Variants in FLNB observed in about 807,000 individuals in gnomAD.
The protein encoded by FLNB is filamin B.
FLNB carries 111 observed loss-of-function variants against 250.6 expected under a neutral mutation model. The observed-to-expected ratio is 0.44, with a 90% CI of 0.38 to 0.52. The LOEUF (loss-of-function observed/expected upper bound fraction) is 0.52, where lower values mean the gene tolerates loss of function less well. Among genes scored for constraint, FLNB ranks in the 20% least tolerant of loss-of-function variants. The pLI is 0.00. For missense variants in FLNB, 2,869 were observed against 3,447.8 expected, an observed-to-expected ratio of 0.83 and a Z score of 4.20; for synonymous variants, 1,302 against 1,372.1, an observed-to-expected ratio of 0.95 and a Z score of 1.13.
intron 1 of FLNB, among the ~76,000 whole-genome samples, chr3:58,075,909 C>T (rs993540136): frequency 5.3e-5 from 8 of 151,476 alleles, no homozygotes; most frequent in Non-Finnish European, 8.8e-5. Context: ...GCAGGGGGTG[C>T]GGGAGATGGA....
At chr3:58,146,494 C>T (rs1033032289) in intron 33 of FLNB, among the ~76,000 whole-genome samples, 1 of 152,198 alleles carries the variant, frequency 6.6e-6, no homozygotes, top group African/African-American at 2.4e-5. Context: ...GACAATCCAC[C>T]TCTGCCCTCC....
chr3:58,141,792 G>T lies in FLNB; in HGVS notation c.5110-66G>T, dbSNP rs530950707. On this transcript the variant is annotated intron_variant, in intron 29 of 45. Transcript: ENST00000295956. Reference sequence around the variant, plus strand: ...GAGCAGTGGGGGAAGCAGCTCTGTGGTGGTAGTCTACTGAGTGTATCCTTC... The same window carrying T: ...GAGCAGTGGGGGAAGCAGCTCTGTGTTGGTAGTCTACTGAGTGTATCCTTC... 5 of 1,399,604 alleles carry T rather than the reference G, an allele frequency of 3.6e-6. No homozygotes were observed. In the East Asian group the frequency reaches 1.1e-4, roughly 32 times the overall value. 86.7% of individuals were successfully genotyped at this position (1,399,604 alleles called of 1,614,324 possible).
intron 1 of FLNB, among the ~76,000 whole-genome samples, chr3:58,071,075 T>C (rs893919584): frequency 4.0e-5 from 6 of 151,424 alleles, no homozygotes; most frequent in Admixed American, 4.0e-4. Context: ...GCCTCTCAAG[T>C]ACTAGTTGGT....
chr3:58,081,569 C>A, intron 3 of FLNB, 60 bp from the exon 4 acceptor site: 1 of 1,540,820 alleles, frequency 6.5e-7, no homozygotes, highest in Non-Finnish European at 9.0e-7. Context: ...CATTTGCAAA[C>A]ACTTCAATAG....
chr3:58,169,514 A>G lies in FLNB; in HGVS notation c.7418-76A>G. 1 of 1,170,038 alleles carries G rather than the reference A, an allele frequency of 8.5e-7. No homozygotes were observed. Among genetic ancestry groups the G allele is most frequent in the Non-Finnish European group, 1.3e-6 (1 of 775,768 alleles). 72.5% of individuals were successfully genotyped at this position (1,170,038 alleles called of 1,614,324 possible). The stretch of plus-strand genomic sequence containing the variant: ...CTCTCCTGGGGTTACTGTGTAGGGT[A>G]CTCGCCTGTCCTCTGGCTGAGAGAC... On this transcript the variant is annotated intron_variant, in intron 44 of 45. Coordinates refer to ENST00000295956, the MANE Select transcript of FLNB (RefSeq NM_001457.4). The surrounding 1 kb of genome is among the most constrained non-coding windows in gnomAD (Gnocchi z 4.8).
chr3:58,110,944 C>A (rs890479394), intron 16 of FLNB, among the ~76,000 whole-genome samples: 2 of 152,176 alleles, frequency 1.3e-5, no homozygotes, highest in African/African-American at 2.4e-5. Flanking sequence ...TGGCTCCTTA[C>A]AACCAAGAAG....
chr3:58,071,749 A>G (rs1157887646), intron 1 of FLNB, among the ~76,000 whole-genome samples: 1 of 152,154 alleles, frequency 6.6e-6, no homozygotes, highest in Non-Finnish European at 1.5e-5. Flanking sequence ...ATCAGTAACA[A>G]CCAGGAGAGA....
rs1467166259 is a variant in FLNB at position 58,169,260 on chromosome 3, T to C, written c.7418-330T>C. On this transcript the variant is annotated intron_variant, in intron 44 of 45. Transcript: ENST00000295956. The surrounding 1 kb of genome is among the most constrained non-coding windows in gnomAD (Gnocchi z 4.8). ...TCATCCCAAACTTTTACACTGCTTA[T>C]ACATAGACTATTTTATGTCAATAGA... The C allele has an allele frequency of 2.6e-6, 1 of 380,022 alleles. No individual in the cohort carries two copies. Among genetic ancestry groups the C allele is most frequent in the Non-Finnish European group, 5.0e-6 (1 of 201,290 alleles). 23.5% of individuals were successfully genotyped at this position (380,022 alleles called of 1,614,324 possible).
chr3:58,110,530 A>C (rs1260674346), intron 16 of FLNB, among the ~76,000 whole-genome samples: 1 of 151,500 alleles, frequency 6.6e-6, no homozygotes, highest in Non-Finnish European at 1.5e-5. Context: ...GGCTCACTGC[A>C]ACCTCTGCCT....
chr3:58,109,460 G>C (rs1003083873), intron 14 of FLNB, 116 bp from the exon 15 acceptor site: 1 of 1,597,722 alleles, frequency 6.3e-7, no homozygotes, highest in Non-Finnish European at 8.6e-7. Context: ...GGAGGGGCCC[G>C]AAGGGCAGAG....
intron 1 of FLNB, 79 bp from the exon 2 acceptor site, chr3:58,076,967 C>T: frequency 6.7e-7 from 1 of 1,489,018 alleles, no homozygotes; most frequent in Non-Finnish European, 9.4e-7. Flanking sequence ...GTTGAAGACT[C>T]CATTTACATT....
At chr3:58,143,699 G>A (rs1214476476) in intron 32 of FLNB, 86 bp downstream of exon 32, 1 of 1,539,682 alleles carries the variant, frequency 6.5e-7, no homozygotes, top group East Asian at 2.3e-5. Flanking sequence ...GCTTTGCAGG[G>A]AGCAGCTCTC....
At chr3:58,125,313 TG>T (rs1219087737) in intron 22 of FLNB, among the ~76,000 whole-genome samples, 2 of 152,066 alleles carry the variant, frequency 1.3e-5, no homozygotes, top group Non-Finnish European at 2.9e-5. Flanking sequence ...TTGTATTTTT[TG>T]TAGAGATGGG....
In FLNB at chr3:58,094,949, G is replaced by C. The variant is rs1207447868; in HGVS notation, c.901G>C (p.Glu301Gln). Residue 301 changes from glutamate to glutamine, a missense_variant, in exon 5 of 46, where the codon GAG becomes CAG. By Grantham distance (29) the Glu-to-Gln change is conservative. Coordinates refer to ENST00000295956, the MANE Select transcript of FLNB (RefSeq NM_001457.4). ...TGTTGAGGACCCAGAAGGGAACAAA[G>C]AGGAGGTATGTTGGAGGATGCTGCC... ...VFVEDPEGNKEEAQVTPDSDK... is the reference protein window; with the variant it reads ...VFVEDPEGNKQEAQVTPDSDK... The C allele has an allele frequency of 1.4e-5, 22 of 1,612,692 alleles. No homozygotes were observed. The highest frequency in any genetic ancestry group is 1.9e-5 in the Non-Finnish European group (22 of 1,178,646).
At position 58,163,286 on chromosome 3, in the gene FLNB, C is replaced by T. The variant is rs2107319776; in HGVS notation, c.7154C>T (p.Ala2385Val). 6.2e-7 allele frequency: 1 copy of T among 1,614,232 alleles called. No homozygotes were observed. Among genetic ancestry groups the T allele is most frequent in the Non-Finnish European group, 8.5e-7 (1 of 1,180,038 alleles). Residue 2385 changes from alanine (A) to valine (V), a missense_variant, in exon 43 of 46, where the codon GCC becomes GTC. Transcript: ENST00000295956. Reference sequence around the variant, plus strand: ...GAGCCTGGACAAGCGGGGAACCCTGCCCTGGTGTCCGCCTATGGCACGGGA... The same window carrying T: ...GAGCCTGGACAAGCGGGGAACCCTGTCCTGGTGTCCGCCTATGGCACGGGA... ...VGEPGQAGNP[A>V]LVSAYGTGLE... is the part of the protein sequence containing the mutation.
At chr3:58,147,911 C>T (rs2097338239) in intron 34 of FLNB, among the ~76,000 whole-genome samples, 2 of 152,218 alleles carry the variant, frequency 1.3e-5, no homozygotes, top group Non-Finnish European at 2.9e-5. Context: ...TCGTCTGCCT[C>T]AGCCTCTCAA....
At chr3:58,034,098 C>T (rs1327133083) in intron 1 of FLNB, among the ~76,000 whole-genome samples, 6 of 152,070 alleles carry the variant, frequency 3.9e-5, no homozygotes, top group Non-Finnish European at 5.9e-5. Flanking sequence ...TGACCTTAGG[C>T]GATCCGCTCA....
Position 58,105,139 on chromosome 3 carries a change from C to G in FLNB, c.1670C>G (p.Pro557Arg). The G allele has an allele frequency of 6.2e-7, 1 of 1,614,238 alleles. No homozygotes were observed. Among genetic ancestry groups the G allele is most frequent in the Non-Finnish European group, 8.5e-7 (1 of 1,180,042 alleles). Residue 557 changes from proline (P) to arginine (R), a missense_variant, in exon 11 of 46, where the codon CCT becomes CGT. This residue lies in a region of FLNB where 1,348 missense variants were observed against 1,466.7 expected (regional missense o/e 0.92). Coordinates refer to ENST00000295956, the MANE Select transcript of FLNB (RefSeq NM_001457.4). ...ATGCAGAAAGTCCGTGCTTGGGGCC[C>G]TGGGCTCCATGGTGGGATTGTCGGG... Reference protein sequence around the residue: ...AGMQKVRAWGPGLHGGIVGRS... With the variant: ...AGMQKVRAWGRGLHGGIVGRS...
intron 4 of FLNB, among the ~76,000 whole-genome samples, chr3:58,090,378 A>G (rs1461164392): frequency 6.6e-6 from 1 of 152,236 alleles, no homozygotes; most frequent in African/African-American, 2.4e-5. Context: ...TAAATAGAAG[A>G]TGCCCACTCT....
Sources: gnomAD v4.1 joint callset for allele counts (sites outside exome capture counted in the v4.1 genomes callset) on GRCh38, gnomAD v4.1.1 for gene constraint, gnomAD v4.1.1 regional missense constraint, Gnocchi (gnomAD v3.1) non-coding constraint, MANE v1.5 for transcripts, NCBI Gene and HGNC (gene_info 2026-07-23, HGNC 2026-07-21) for gene names.